ULK2: variants seen among roughly 807,000 people sequenced by gnomAD.
The protein encoded by ULK2 is unc-51 like autophagy activating kinase 2.
ULK2 carries 76 observed loss-of-function variants against 127.5 expected under a neutral mutation model. The ratio of observed to expected loss-of-function variants is 0.60; its 90% CI spans 0.50 to 0.72. The LOEUF (loss-of-function observed/expected upper bound fraction) is 0.72, where lower values mean the gene tolerates loss of function less well. ULK2 is among the 30% of genes least tolerant of loss of function. The probability of loss-of-function intolerance (pLI) is 0.00; values close to 1 mark genes in which losing one functional copy is unlikely to be tolerated. For missense variants in ULK2, 1,144 were observed against 1,295.9 expected (o/e 0.88, Z 1.80); for synonymous variants, 452 against 461.9 (o/e 0.98, Z 0.28).
intron 10 of ULK2, among the ~76,000 whole-genome samples, chr17:19,835,291 A>T (rs546723762): frequency 6.6e-6 from 1 of 151,364 alleles, no homozygotes; most frequent in South Asian, 2.1e-4. Flanking sequence ...CTGGGACTAC[A>T]GGATGGTCTT....
chr17:19,781,020 G>A lies in ULK2; in HGVS notation c.2724C>T (p.Ser908=), dbSNP rs761129001. ...CAGCTGTGGATGGGCTCAGTTTCCC[G>A]GACTTGATCTGGGCTTTGGCAAGAT... ...SLHLAKAQIK[S]GKLSPSTAVK... The change falls in exon 24 of 27, where the codon TCC becomes TCT. Residue 908 remains serine, a synonymous_variant. Coordinates refer to ENST00000395544, the MANE Select transcript of ULK2 (RefSeq NM_014683.4). 28 of 1,613,854 alleles carry A rather than the reference G, an allele frequency of 1.7e-5. No individual in the cohort carries two copies. Among genetic ancestry groups the A allele is most frequent in the South Asian group, 6.6e-5 (6 of 91,058 alleles).
chr17:19,812,490 T>C (rs1452870165), intron 13 of ULK2, among the ~76,000 whole-genome samples: 1 of 152,186 alleles, frequency 6.6e-6, no homozygotes, highest in Non-Finnish European at 1.5e-5. Context: ...CCAGCTACCT[T>C]AAACATACTC....
intron 3 of ULK2, among the ~76,000 whole-genome samples, chr17:19,850,840 T>C (rs183718431): frequency 6.6e-6 from 1 of 151,670 alleles, no homozygotes; most frequent in African/African-American, 2.4e-5. Flanking sequence ...TCAAAAAATA[T>C]ATATAGATAG....
chr17:19,788,894 G>A (rs2087091999), intron 20 of ULK2, among the ~76,000 whole-genome samples: 1 of 152,222 alleles, frequency 6.6e-6, no homozygotes, highest in Non-Finnish European at 1.5e-5. Context: ...ACTTTGTCTT[G>A]CGGTTTGAGT....
chr17:19,833,460 G>T (rs571993218), intron 10 of ULK2, among the ~76,000 whole-genome samples: 92 of 151,874 alleles, frequency 6.1e-4, no homozygotes, highest in Middle Eastern at 6.8e-3. Context: ...TGTAATCCCA[G>T]CACTTTAGGA....
intron 10 of ULK2, among the ~76,000 whole-genome samples, chr17:19,826,623 G>C (rs1025624529): frequency 6.6e-6 from 1 of 151,988 alleles, no homozygotes; most frequent in Non-Finnish European, 1.5e-5. Context: ...ACTATCCTTC[G>C]CCCCTACAAG....
At chr17:19,840,061 A>G (rs887301906) in intron 9 of ULK2, 1 of 330,118 alleles carries the variant, frequency 3.0e-6, no homozygotes, top group African/African-American at 2.2e-5. Flanking sequence ...ATGTACATCT[A>G]TGGGACTCTC....
intron 20 of ULK2, among the ~76,000 whole-genome samples, chr17:19,788,108 T>A (rs1418101341): frequency 6.6e-6 from 1 of 152,034 alleles, no homozygotes. Flanking sequence ...GCTAAAGCGC[T>A]CCGGGTCCAA....
At position 19,817,412 on chromosome 17, in the gene ULK2, A is replaced by AATC. The variant is rs2041018757; in HGVS notation, c.925-495_925-493dup. Among the ~76,000 whole-genome samples the AATC allele has an allele frequency of 2.0e-5, 3 of 152,310 alleles. No homozygotes were observed. In the South Asian group the frequency reaches 6.2e-4, roughly 32 times the overall value. ...ACCACATTATGTAAAAAAATAGACA[A>AATC]ATCAGGAAGGGTGCCTGCACTTAAG... is the stretch of plus-strand genomic sequence containing the variant. On this transcript the variant is annotated intron_variant, in intron 12 of 26. Coordinates refer to ENST00000395544, the MANE Select transcript of ULK2 (RefSeq NM_014683.4).
intron 3 of ULK2, among the ~76,000 whole-genome samples, chr17:19,864,025 G>A (rs1302459320): frequency 6.6e-6 from 1 of 152,042 alleles, no homozygotes; most frequent in Non-Finnish European, 1.5e-5. Context: ...GCACTATGTA[G>A]GCCATGTGTG....
chr17:19,786,204 CTCT>C, intron 20 of ULK2, 118 bp from the exon 21 acceptor site: 1 of 883,622 alleles, frequency 1.1e-6, no homozygotes, highest in Non-Finnish European at 1.6e-6. Context: ...TTTTTTTTCC[CTCT>C]TCTTACAAAA....
chr17:19,833,427 A>G (rs1188492362), intron 10 of ULK2, among the ~76,000 whole-genome samples: 2 of 151,624 alleles, frequency 1.3e-5, no homozygotes, highest in Non-Finnish European at 2.9e-5. Flanking sequence ...AGAGAAAGCC[A>G]GCCAGGCACA....
intron 25 of ULK2, among the ~76,000 whole-genome samples, chr17:19,778,339 C>G (rs2086850765): frequency 6.6e-6 from 1 of 152,162 alleles, no homozygotes. Flanking sequence ...TAGGGGATGC[C>G]TCTAACCTAT....
chr17:19,816,544 T>A (rs2040993344), intron 13 of ULK2: 2 of 381,390 alleles, frequency 5.2e-6, no homozygotes, highest in Admixed American at 4.7e-5. Context: ...TCATGTACCT[T>A]CAGAATCCAA....
intron 26 of ULK2, among the ~76,000 whole-genome samples, chr17:19,777,224 C>A (rs112835187): frequency 3.3e-5 from 5 of 152,198 alleles, no homozygotes; most frequent in African/African-American, 4.8e-5. Context: ...CCTGTCTCAG[C>A]CTCCCGAGCA....
At chr17:19,835,275 G>C (rs923843682) in intron 10 of ULK2, among the ~76,000 whole-genome samples, 12 of 150,734 alleles carry the variant, frequency 8.0e-5, no homozygotes, top group Non-Finnish European at 1.3e-4. Context: ...TCAGCCTCTC[G>C]AGTAGCTGGG....
intron 1 of ULK2, 128 bp downstream of exon 1, chr17:19,867,200 C>T: frequency 4.5e-6 from 3 of 661,354 alleles, no homozygotes; most frequent in Non-Finnish European, 7.0e-6. Context: ...AGACGGGCTG[C>T]GCGCACAATA....
At chr17:19,797,883 A>G (rs2087309482) in intron 17 of ULK2, among the ~76,000 whole-genome samples, 1 of 152,148 alleles carries the variant, frequency 6.6e-6, no homozygotes, top group Non-Finnish European at 1.5e-5. Context: ...TATTCTCAGG[A>G]GACAGAATTT....
chr17:19,814,438 A>ATATATTTTT (rs1318303261), intron 13 of ULK2, among the ~76,000 whole-genome samples: 9 of 23,322 alleles, frequency 3.9e-4, no homozygotes, highest in African/African-American at 1.5e-3. Context: ...ATATATATAT[A>ATATATTTTT]TTTTTTTTTT....
Sources: gnomAD v4.1 joint callset for allele counts (sites outside exome capture counted in the v4.1 genomes callset) on GRCh38, gnomAD v4.1.1 for gene constraint, MANE v1.5 for transcripts, NCBI Gene and HGNC (gene_info 2026-07-23, HGNC 2026-07-21) for gene names.